Variants in TMEM184B observed in about 807,000 individuals in gnomAD.
TMEM184B encodes putative MAPK-activating protein FM08.
TMEM184B carries 17 observed loss-of-function variants against 41.8 expected under a neutral mutation model. The ratio of observed to expected loss-of-function variants is 0.41; its 90% CI spans 0.28 to 0.61. The LOEUF (loss-of-function observed/expected upper bound fraction) is 0.61. Ranked by LOEUF, TMEM184B falls within the 20% of genes least tolerant of loss-of-function variation. TMEM184B has a pLI of 0.34. For synonymous variants in TMEM184B, 240 were observed against 229.5 expected (o/e 1.05, Z -0.41); for missense variants, 393 against 557.8 (o/e 0.70, Z 2.98).
intron 3 of TMEM184B, among the ~76,000 whole-genome samples, chr22:38,238,228 T>A (rs1029665388): frequency 9.5e-5 from 13 of 136,872 alleles, no homozygotes; most frequent in South Asian, 2.3e-4. Context: ...TATCAACTTC[T>A]TTTTTTTTTT....
At chr22:38,259,513 G>A (rs2092336589) in intron 1 of TMEM184B, among the ~76,000 whole-genome samples, 1 of 152,230 alleles carries the variant, frequency 6.6e-6, no homozygotes, top group African/African-American at 2.4e-5. Flanking sequence ...AAAGGAAGCA[G>A]AGAGAGGAAA....
intron 1 of TMEM184B, among the ~76,000 whole-genome samples, chr22:38,266,975 C>T (rs980419655): frequency 3.3e-5 from 5 of 151,226 alleles, no homozygotes; most frequent in African/African-American, 9.7e-5. Flanking sequence ...CCCAGCTACT[C>T]GGGAGGCTGA....
At chr22:38,244,520 G>A (rs186940439) in intron 3 of TMEM184B, among the ~76,000 whole-genome samples, 1 of 151,548 alleles carries the variant, frequency 6.6e-6, no homozygotes, top group East Asian at 1.9e-4. Context: ...GCAATGGCAC[G>A]ACCTCAGCTC....
At chr22:38,244,209 C>T (rs1455770347) in intron 3 of TMEM184B, among the ~76,000 whole-genome samples, 2 of 152,060 alleles carry the variant, frequency 1.3e-5, no homozygotes, top group African/African-American at 4.8e-5. Flanking sequence ...CAAGTTTCAA[C>T]GTGGAGAGGA....
At chr22:38,248,137 C>G (rs1054286341) in intron 1 of TMEM184B, 118 bp from the exon 2 acceptor site, 3 of 1,344,566 alleles carry the variant, frequency 2.2e-6, no homozygotes, top group Non-Finnish European at 2.9e-6. Flanking sequence ...CCAACCATCA[C>G]CCTGTCCCAG....
intron 1 of TMEM184B, among the ~76,000 whole-genome samples, chr22:38,253,811 T>A (rs907045035): frequency 1.3e-5 from 2 of 152,154 alleles, no homozygotes; most frequent in Non-Finnish European, 2.9e-5. Flanking sequence ...TAAAAACTTA[T>A]GCACTATGAA....
At chr22:38,263,358 T>C (rs1055919382) in intron 1 of TMEM184B, among the ~76,000 whole-genome samples, 1 of 152,102 alleles carries the variant, frequency 6.6e-6, no homozygotes, top group Non-Finnish European at 1.5e-5. Flanking sequence ...CCCCTGGGCA[T>C]AGACAAGCAA....
chr22:38,222,199 C>T (rs1229376328), intron 8 of TMEM184B: 6 of 165,982 alleles, frequency 3.6e-5, no homozygotes, highest in Non-Finnish European at 7.9e-5. Flanking sequence ...GGCCTGCACC[C>T]CCAGGGGAGC....
intron 3 of TMEM184B, among the ~76,000 whole-genome samples, chr22:38,234,012 G>C (rs527303053): frequency 8.3e-6 from 1 of 120,104 alleles, no homozygotes; most frequent in Admixed American, 8.6e-5. Flanking sequence ...CAGGTGATCC[G>C]CCCACCTCGG....
At chr22:38,257,012 G>A (rs1262317819) in intron 1 of TMEM184B, among the ~76,000 whole-genome samples, 4 of 126,128 alleles carry the variant, frequency 3.2e-5, no homozygotes, top group Admixed American at 8.9e-5. Flanking sequence ...ATAGAGTTTC[G>A]CTCTTGTTGC....
At chr22:38,248,290 T>C (rs2092085006) in intron 1 of TMEM184B, among the ~76,000 whole-genome samples, 1 of 152,168 alleles carries the variant, frequency 6.6e-6, no homozygotes, top group Non-Finnish European at 1.5e-5. Flanking sequence ...CTCAAAACTC[T>C]CCAATAGCTC....
intron 5 of TMEM184B, among the ~76,000 whole-genome samples, chr22:38,229,347 G>C (rs781744983): frequency 6.6e-6 from 1 of 152,240 alleles, no homozygotes; most frequent in Non-Finnish European, 1.5e-5. Context: ...CCACCACGCC[G>C]GGCTGAAAGC....
rs376538919 is a variant in TMEM184B at position 38,225,918 on chromosome 22, C to A, written c.618-325G>T. 1.3e-5 allele frequency among the ~76,000 whole-genome samples: 2 copies of A among 152,100 alleles called. No homozygotes were observed. Among genetic ancestry groups the A allele is most frequent in the African/African-American group, 4.8e-5 (2 of 41,400 alleles). On this transcript the variant is annotated intron_variant, in intron 6 of 8. Coordinates refer to ENST00000361906, the MANE Select transcript of TMEM184B (RefSeq NM_012264.5). This position sits in a 1 kb window ranked among gnomAD's most constrained non-coding sequence, Gnocchi z 4.4. Reference sequence around the variant, plus strand: ...CATAGCCTGACACTCAGATAACAGGCGTCAAAATAGGTGACGCTGCTCAGC... The same window carrying A: ...CATAGCCTGACACTCAGATAACAGGAGTCAAAATAGGTGACGCTGCTCAGC...
intron 3 of TMEM184B, among the ~76,000 whole-genome samples, chr22:38,238,685 T>C (rs1286971238): frequency 1.3e-5 from 2 of 152,152 alleles, no homozygotes; most frequent in African/African-American, 4.8e-5. Context: ...TCATTCTCTG[T>C]TGCTGTCATG....
At chr22:38,253,254 A>G (rs893004180) in intron 1 of TMEM184B, among the ~76,000 whole-genome samples, 28 of 152,262 alleles carry the variant, frequency 1.8e-4, no homozygotes, top group African/African-American at 6.7e-4. Context: ...CCTGATCAAC[A>G]CTGATTAAAA....
chr22:38,251,121 G>A (rs2092152698), intron 1 of TMEM184B, among the ~76,000 whole-genome samples: 1 of 152,306 alleles, frequency 6.6e-6, no homozygotes, highest in South Asian at 2.1e-4. Context: ...TCTAGCAGGA[G>A]GGGAGGCAGG....
chr22:38,236,380 T>C (rs1304305587), intron 3 of TMEM184B, among the ~76,000 whole-genome samples: 1 of 152,188 alleles, frequency 6.6e-6, no homozygotes, highest in Non-Finnish European at 1.5e-5. Flanking sequence ...ACTCTCTTAA[T>C]AGACGTGACA....
chr22:38,222,581 C>T, intron 8 of TMEM184B: 1 of 984,714 alleles, frequency 1.0e-6, no homozygotes, highest in Non-Finnish European at 1.2e-6. Flanking sequence ...GAGACGCATG[C>T]CAGTGACAGT....
intron 1 of TMEM184B, among the ~76,000 whole-genome samples, chr22:38,258,300 A>ATTT (rs752882414): frequency 0.024 from 3,370 of 141,262 alleles, 143 homozygotes; most frequent in African/African-American, 0.081. Context: ...ATTTTTCCAA[A>ATTT]TTTTTTTTTT....
Sources: gnomAD v4.1 joint callset for allele counts (sites outside exome capture counted in the v4.1 genomes callset) on GRCh38, gnomAD v4.1.1 for gene constraint, Gnocchi (gnomAD v3.1) non-coding constraint, MANE v1.5 for transcripts, NCBI Gene and HGNC (gene_info 2026-07-23, HGNC 2026-07-21) for gene names.